DSG3: variants seen among roughly 807,000 people sequenced by gnomAD.
DSG3 encodes desmoglein 3.
Under a neutral mutation model 85.9 loss-of-function variants are expected in DSG3, and 63 were observed. That is an observed-to-expected ratio of 0.73 (90% CI 0.60 to 0.90). The LOEUF is 0.90. Ranked by LOEUF, DSG3 falls within the 40% of genes least tolerant of loss-of-function variation. The probability of loss-of-function intolerance (pLI) is 0.00; values close to 1 mark genes in which losing one functional copy is unlikely to be tolerated. For synonymous variants in DSG3, 447 were observed against 441.9 expected (o/e 1.01, Z -0.14); for missense variants, 1,220 against 1,219.9 (o/e 1.00, Z 0.00).
Position 31,457,028 on chromosome 18 carries a change from G to T in DSG3, c.120G>T (p.Met40Ile). 6.2e-7 allele frequency: 1 copy of T among 1,613,240 alleles called. No homozygotes were observed. Among genetic ancestry groups the T allele is most frequent in the Non-Finnish European group, 8.5e-7 (1 of 1,179,596 alleles). The part of the protein sequence containing the change: ...KGQYDEEEMT[M>I]QQAKRRQKRE... Reference sequence around the variant, plus strand: ...AATATGATGAAGAAGAGATGACTATGCAACAAGCTAAAAGAAGGCAAAAAC... The same window carrying T: ...AATATGATGAAGAAGAGATGACTATTCAACAAGCTAAAAGAAGGCAAAAAC... The change falls in exon 3 of 16, where the codon ATG (methionine) becomes ATT (isoleucine). Residue 40 changes from methionine to isoleucine, a missense_variant. Physicochemically the swap from Met to Ile is conservative, Grantham distance 10. Transcript: ENST00000257189.
In DSG3 at chr18:31,460,905, T is replaced by A. The variant is rs781316270; in HGVS notation, c.757T>A (p.Cys253Ser). 6.2e-7 allele frequency: 1 copy of A among 1,605,258 alleles called. No individual in the cohort carries two copies. Among genetic ancestry groups the A allele is most frequent in the South Asian group, 1.1e-5 (1 of 88,734 alleles). ...DGEGLSTQCECNIKVKDVNDN... is the reference protein window; with the variant it reads ...DGEGLSTQCESNIKVKDVNDN... The stretch of plus-strand genomic sequence containing the variant: ...AGAAGGACTATCAACTCAATGTGAA[T>A]GTAATATTAAAGTGAAAGATGTCAA... The change falls in exon 7 of 16, where the codon TGT (cysteine) becomes AGT (serine). Residue 253 changes from cysteine (C) to serine (S), a missense_variant. Cys to Ser is a moderately radical substitution (Grantham distance 112). Transcript: ENST00000257189.
At chr18:31,457,364 T>C (rs191489411) in intron 3 of DSG3, among the ~76,000 whole-genome samples, 24 of 152,258 alleles carry the variant, frequency 1.6e-4, no homozygotes, top group Non-Finnish European at 3.1e-4. Context: ...TGACCAATTT[T>C]AATATAGAAG....
intron 15 of DSG3, among the ~76,000 whole-genome samples, chr18:31,475,248 G>A (rs1194567692): frequency 6.6e-6 from 1 of 152,174 alleles, no homozygotes; most frequent in Non-Finnish European, 1.5e-5. Context: ...TATCAATACT[G>A]GTAAGTGCCA....
At chr18:31,457,324 A>C (rs2072748474) in intron 3 of DSG3, among the ~76,000 whole-genome samples, 200 bp downstream of exon 3, 2 of 152,114 alleles carry the variant, frequency 1.3e-5, no homozygotes, top group African/African-American at 2.4e-5. Context: ...GGGTTATGAA[A>C]AAGAATTGAG....
At chr18:31,471,370 T>C (rs923607941) in intron 12 of DSG3, among the ~76,000 whole-genome samples, 1 of 152,212 alleles carries the variant, frequency 6.6e-6, no homozygotes, top group African/African-American at 2.4e-5. Flanking sequence ...CCCCATTTTA[T>C]GGATGAGTTA....
Position 31,465,386 on chromosome 18 carries a change from T to C in DSG3, c.1340T>C (p.Val447Ala), listed in dbSNP as rs969089612. Residue 447 changes from valine to alanine, a missense_variant, in exon 10 of 16, where the codon GTC (valine) becomes GCC (alanine). Transcript: ENST00000257189. ...TCAAAAACTGCTGAAATCAAATTTG[T>C]CAAAAATATGAACCGAGATTCTACT... ...IDSKTAEIKF[V>A]KNMNRDSTFI... is the part of the protein sequence containing the mutation. The C allele has an allele frequency of 1.0e-5, 16 of 1,549,604 alleles. No homozygotes were observed. The highest frequency in any genetic ancestry group is 1.7e-4 in the Middle Eastern group (1 of 5,906).
intron 12 of DSG3, 30 bp downstream of exon 12, chr18:31,469,379 GACC>G: frequency 6.2e-7 from 1 of 1,609,014 alleles, no homozygotes; most frequent in Non-Finnish European, 8.5e-7. Flanking sequence ...TTCTCTGTTG[GACC>G]AGGTGTCCTC....
At chr18:31,448,968 G>C (rs536027081) in intron 1 of DSG3, among the ~76,000 whole-genome samples, 1 of 152,084 alleles carries the variant, frequency 6.6e-6, no homozygotes, top group East Asian at 1.9e-4. Context: ...GCAGTGGTGC[G>C]ATCTCCAACT....
chr18:31,473,099 A>G (rs1281667963), intron 14 of DSG3, among the ~76,000 whole-genome samples: 1 of 152,216 alleles, frequency 6.6e-6, no homozygotes, highest in African/African-American at 2.4e-5. Context: ...ATTAGGAAAG[A>G]CTTCACACAT....
chr18:31,451,696 T>C (rs1272250627), intron 1 of DSG3, among the ~76,000 whole-genome samples: 1 of 152,228 alleles, frequency 6.6e-6, no homozygotes, highest in African/African-American at 2.4e-5. Flanking sequence ...AGAATACCCT[T>C]GCCAAATGGT....
chr18:31,474,367 C>T lies in DSG3; in HGVS notation c.2348C>T (p.Ala783Val), dbSNP rs200927289. 30 of 1,609,884 alleles carry T rather than the reference C, an allele frequency of 1.9e-5. 1 individual carries two copies. The highest frequency in any genetic ancestry group is 1.8e-4 in the Admixed American group (11 of 59,598). Residue 783 changes from alanine (A) to valine (V), a missense_variant, in exon 15 of 16, where the codon GCG (alanine) becomes GTG (valine). By Grantham distance (64) the Ala-to-Val change is moderately conservative. Coordinates refer to ENST00000257189, the MANE Select transcript of DSG3 (RefSeq NM_001944.3). ...GGTNKDYADG[A>V]ISMNFLDSYF... The stretch of plus-strand genomic sequence containing the variant: ...ACCAATAAGGACTACGCTGATGGGG[C>T]GATAAGCATGAATTTTCTGGACTCC...
intron 6 of DSG3, among the ~76,000 whole-genome samples, chr18:31,460,235 G>C (rs1169394700): frequency 6.6e-6 from 1 of 152,186 alleles, no homozygotes; most frequent in African/African-American, 2.4e-5. Context: ...CATACCAGTG[G>C]AAGTTAAATA....
chr18:31,454,417 A>G (rs1457054247), intron 1 of DSG3, among the ~76,000 whole-genome samples: 1 of 152,232 alleles, frequency 6.6e-6, no homozygotes, highest in Non-Finnish European at 1.5e-5. Context: ...TGTTATAACC[A>G]CAAGTAATGG....
rs2276105 is a variant in DSG3, at chr18:31,459,320, G to A, written c.517+143G>A. On this transcript the variant is annotated intron_variant, in intron 5 of 15. Transcript: ENST00000257189. ...AAATAAAATTCATTAAGATAAATCT[G>A]GGTCTTCCTTTCTAAAATGTGTATT... The A allele has an allele frequency of 0.099, 79,313 of 799,166 alleles. 4,311 individuals are homozygous for A. The highest frequency in any genetic ancestry group is 0.11 in the South Asian group (5,744 of 50,242). The allele number at this position is 799,166 out of a possible 1,614,324, so 49.5% of individuals were successfully genotyped here.
chr18:31,472,155 T>G, intron 12 of DSG3, 129 bp from the exon 13 acceptor site: 1 of 1,368,996 alleles, frequency 7.3e-7, no homozygotes, highest in Non-Finnish European at 9.9e-7. Context: ...CTAATTTTGG[T>G]TTTCATTAGG....
At position 31,459,998 on chromosome 18, in the gene DSG3, C is replaced by A; in HGVS notation, c.671C>A (p.Ser224Tyr). 2 of 1,613,584 alleles carry A rather than the reference C, an allele frequency of 1.2e-6. No individual in the cohort carries two copies. The highest frequency in any genetic ancestry group is 1.7e-6 in the Non-Finnish European group (2 of 1,179,770). Residue 224 changes from serine (S) to tyrosine (Y), a missense_variant, in exon 6 of 16, where the codon TCT becomes TAT. By Grantham distance (144) the Ser-to-Tyr change is moderately radical. Transcript: ENST00000257189. ...GGGGAAGTCCGTACTTTGACCAATT[C>A]TCTTGACCGAGAGGTACAGCAAAGC... ...NTGEVRTLTN[S>Y]LDREQASSYR... is the part of the protein sequence containing the mutation.
rs1598785101 is a variant in DSG3, at chr18:31,469,354, GT to G, written c.1897+6del. ...TTGGTCTCCTGCTGCTGCTGTGTGA[GT>G]AGCCAATGTTTCATTCTCTGTTGGA... On this transcript the variant is annotated splice_donor_region_variant and intron_variant, in intron 12 of 15. Transcript: ENST00000257189. 1 of 1,612,206 alleles carries G rather than the reference GT, an allele frequency of 6.2e-7. No individual in the cohort carries two copies. Among genetic ancestry groups the G allele is most frequent in the Non-Finnish European group, 8.5e-7 (1 of 1,179,866 alleles).
chr18:31,458,497 T>C lies in DSG3; in HGVS notation c.269T>C (p.Val90Ala). 6.2e-7 allele frequency: 1 copy of C among 1,613,886 alleles called. No individual in the cohort carries two copies. Among genetic ancestry groups the C allele is most frequent in the Non-Finnish European group, 8.5e-7 (1 of 1,179,948 alleles). The change falls in exon 4 of 16, where the codon GTG becomes GCG. Residue 90 changes from valine to alanine, a missense_variant. Coordinates refer to ENST00000257189, the MANE Select transcript of DSG3 (RefSeq NM_001944.3). ...TQKITYRISG[V>A]GIDQPPFGIF... ...AAAATCACCTACCGAATCTCTGGAG[T>C]GGGAATCGATCAGCCGCCTTTTGGA...
chr18:31,452,126 T>C (rs1007213161), intron 1 of DSG3, among the ~76,000 whole-genome samples: 1 of 152,186 alleles, frequency 6.6e-6, no homozygotes, highest in Non-Finnish European at 1.5e-5. Flanking sequence ...CCTACACAAT[T>C]GTACAGTGGA....
Sources: allele counts gnomAD v4.1 joint callset (sites outside exome capture counted in the v4.1 genomes callset), GRCh38; gene constraint gnomAD v4.1.1; transcripts MANE v1.5; gene names NCBI Gene and HGNC (gene_info 2026-07-23, HGNC 2026-07-21).